The following STRBP variants were observed in gnomAD, a reference collection of about 807,000 sequenced individuals.
The protein encoded by STRBP is spermatid perinuclear RNA-binding protein.
In STRBP, 13 loss-of-function variants were observed where a neutral mutation model predicts 80.1. That is an observed-to-expected ratio of 0.16 (90% confidence interval 0.11 to 0.26). The LOEUF (loss-of-function observed/expected upper bound fraction) is 0.26, where lower values mean the gene tolerates loss of function less well. STRBP is among the 10% of genes least tolerant of loss of function. STRBP has a pLI of 1.00. For missense variants in STRBP, 485 were observed against 815.2 expected, an observed-to-expected ratio of 0.59 and a Z score of 4.93; for synonymous variants, 284 against 291.2, an observed-to-expected ratio of 0.98 and a Z score of 0.25.
chr9:123,163,221 A>G (rs749828341), intron 6 of STRBP, among the ~76,000 whole-genome samples: 49 of 152,216 alleles, frequency 3.2e-4, no homozygotes, highest in Non-Finnish European at 5.9e-4. Context: ...TGTACTTTCT[A>G]ATACTTTCAT....
At chr9:123,245,394 T>G (rs1348200804) in intron 1 of STRBP, among the ~76,000 whole-genome samples, 1 of 152,166 alleles carries the variant, frequency 6.6e-6, no homozygotes, top group East Asian at 1.9e-4. Flanking sequence ...TTGTTTTTGT[T>G]TGTTTGTTTG....
intron 2 of STRBP, among the ~76,000 whole-genome samples, chr9:123,210,828 CAA>C (rs36057301): frequency 6.5e-5 from 9 of 138,944 alleles, no homozygotes; most frequent in Non-Finnish European, 8.2e-5. Flanking sequence ...GAATCCGTTT[CAA>C]AAAAAAAAAA....
intron 2 of STRBP, among the ~76,000 whole-genome samples, chr9:123,185,152 A>G (rs775744894): frequency 2.6e-5 from 4 of 152,188 alleles, no homozygotes; most frequent in Non-Finnish European, 5.9e-5. Context: ...CTATGTGGCT[A>G]TAAGAGGACA....
chr9:123,160,843 A>G lies in STRBP; in HGVS notation c.627+134T>C, dbSNP rs531335449. 17 of 662,788 alleles carry G rather than the reference A, an allele frequency of 2.6e-5. No individual in the cohort carries two copies. In the African/African-American group the frequency reaches 2.9e-4, roughly 11 times the overall value. The allele number at this position is 662,788 out of a possible 1,614,324, so 41.1% of individuals were successfully genotyped here. ...GGCACATATCTAAATTAACTCAATT[A>G]CTCCAACAACCACACTATGAGCTAG... is the stretch of plus-strand genomic sequence containing the variant. On this transcript the variant is annotated intron_variant, in intron 7 of 18. Transcript: ENST00000348403.
At position 123,192,929 on chromosome 9, in the gene STRBP, C is replaced by T. The variant is rs548751390; in HGVS notation, c.-164-8631G>A. Among the ~76,000 whole-genome samples, 3 of 152,316 alleles carry T rather than the reference C, an allele frequency of 2.0e-5. No homozygotes were observed. In the East Asian group the frequency reaches 5.8e-4, roughly 29 times the overall value. ...CTATCGTCATTCTTGTCATTTCTCT[C>T]ACCACCACAGCTCCAGTCAACACGG... On this transcript the variant is annotated intron_variant, in intron 2 of 18. Coordinates refer to ENST00000348403, the MANE Select transcript of STRBP (RefSeq NM_018387.5).
intron 13 of STRBP, among the ~76,000 whole-genome samples, chr9:123,143,649 T>A (rs1182171745): frequency 6.6e-6 from 1 of 152,268 alleles, no homozygotes; most frequent in African/African-American, 2.4e-5. Context: ...TGCATTTTTT[T>A]AACAAATTAA....
intron 11 of STRBP, among the ~76,000 whole-genome samples, chr9:123,152,611 T>TA (rs540157946): frequency 6.4e-4 from 94 of 148,024 alleles, no homozygotes; most frequent in South Asian, 1.3e-3. Context: ...TGCTGAGTGT[T>TA]AAAAAAAAAA....
rs1221302966 is a variant in STRBP at position 123,160,394 on chromosome 9, G to A, written c.696C>T (p.Val232=). The A allele has an allele frequency of 6.2e-7, 1 of 1,601,206 alleles. No homozygotes were observed. Among genetic ancestry groups the A allele is most frequent in the Admixed American group, 1.7e-5 (1 of 59,696 alleles). The part of the protein sequence containing the change: ...LRILRDLCNR[V]PTWAPLKGWP... ...ATCCTTTCAATGGTGCCCATGTGGG[G>A]ACTCTGTTGCACAAATCACGCAGAA... Residue 232 remains valine, a synonymous_variant, in exon 8 of 19, where the codon GTC becomes GTT. Coordinates refer to ENST00000348403, the MANE Select transcript of STRBP (RefSeq NM_018387.5).
intron 2 of STRBP, among the ~76,000 whole-genome samples, chr9:123,221,710 TTC>T (rs1341055362): frequency 6.6e-6 from 1 of 152,180 alleles, no homozygotes; most frequent in Non-Finnish European, 1.5e-5. Flanking sequence ...ACATTCTGAT[TTC>T]TCTGATTGTT....
chr9:123,152,078 G>A (rs1307637875), intron 11 of STRBP, among the ~76,000 whole-genome samples: 1 of 151,986 alleles, frequency 6.6e-6, no homozygotes, highest in Non-Finnish European at 1.5e-5. Flanking sequence ...TAAATTCTTA[G>A]AAAAACATAG....
intron 5 of STRBP, among the ~76,000 whole-genome samples, chr9:123,170,395 T>A (rs1366886576): frequency 6.6e-6 from 1 of 152,208 alleles, no homozygotes; most frequent in Non-Finnish European, 1.5e-5. Flanking sequence ...CAGAGAACTA[T>A]TATAAAATAA....
intron 2 of STRBP, among the ~76,000 whole-genome samples, chr9:123,219,243 C>T (rs776483506): frequency 6.6e-6 from 1 of 152,194 alleles, no homozygotes; most frequent in Non-Finnish European, 1.5e-5. Flanking sequence ...ATCAACCTTG[C>T]TGCCATTCCC....
In STRBP at chr9:123,123,475, T is replaced by C. The variant is rs1236402066; in HGVS notation, c.*2122A>G. The C allele has an allele frequency of 3.0e-6, 3 of 985,072 alleles. No individual in the cohort carries two copies. The African/African-American group carries it at 5.3e-5, about 17-fold the overall frequency. 61.0% of individuals were successfully genotyped at this position (985,072 alleles called of 1,614,324 possible). ...AAGTAAAGCAGAGAAATGTAAAAGT[T>C]TGCAGCAACTGGGCAGGTTTACAAC... On this transcript the variant is annotated 3_prime_UTR_variant, in exon 19 of 19. Coordinates refer to ENST00000348403, the MANE Select transcript of STRBP (RefSeq NM_018387.5).
Position 123,132,838 on chromosome 9 carries a change from A to G in STRBP, c.1897+7T>C. ...AGGGGGCCAATCTCTTGCAGTTTGT[A>G]CTATACCTGGAGCTATGTAGCCAGG... On this transcript the variant is annotated splice_region_variant and intron_variant, in intron 17 of 18. Transcript: ENST00000348403. 2 of 1,613,870 alleles carry G rather than the reference A, an allele frequency of 1.2e-6. No homozygotes were observed. Among genetic ancestry groups the G allele is most frequent in the Non-Finnish European group, 1.7e-6 (2 of 1,179,888 alleles).
intron 9 of STRBP, 70 bp from the exon 10 acceptor site, chr9:123,158,499 G>A (rs1050617029): frequency 3.0e-6 from 4 of 1,334,126 alleles, no homozygotes; most frequent in African/African-American, 1.5e-5. Context: ...AAACAAAAGA[G>A]AGATGGCTGG....
At chr9:123,196,711 C>G (rs1228213316) in intron 2 of STRBP, among the ~76,000 whole-genome samples, 1 of 152,064 alleles carries the variant, frequency 6.6e-6, no homozygotes, top group Non-Finnish European at 1.5e-5. Flanking sequence ...GTTAAAATGG[C>G]TTTTATCCAA....
At chr9:123,131,076 A>G (rs1022904645) in intron 17 of STRBP, among the ~76,000 whole-genome samples, 1 of 152,212 alleles carries the variant, frequency 6.6e-6, no homozygotes, top group African/African-American at 2.4e-5. Context: ...GATACCCATC[A>G]TCTTAAATAT....
At chr9:123,205,377 T>C (rs2039477697) in intron 2 of STRBP, among the ~76,000 whole-genome samples, 1 of 152,224 alleles carries the variant, frequency 6.6e-6, no homozygotes, top group African/African-American at 2.4e-5. Context: ...GTGTCTTTGA[T>C]TCTCAAAAGA....
chr9:123,259,595 G>A (rs1438072179), intron 1 of STRBP, among the ~76,000 whole-genome samples: 1 of 152,194 alleles, frequency 6.6e-6, no homozygotes, highest in African/African-American at 2.4e-5. Context: ...TGTAATCCCA[G>A]ATACTGAGGA....
Sources: gnomAD v4.1 joint callset for allele counts (sites outside exome capture counted in the v4.1 genomes callset) on GRCh38, gnomAD v4.1.1 for gene constraint, MANE v1.5 for transcripts, NCBI Gene and HGNC (gene_info 2026-07-23, HGNC 2026-07-21) for gene names.